The following TXNDC12 variants were observed in gnomAD, a reference collection of about 807,000 sequenced individuals.
TXNDC12 encodes thioredoxin domain containing 12.
TXNDC12 carries 22 observed loss-of-function variants against 24.2 expected under a neutral mutation model. The observed-to-expected ratio is 0.91, with a 90% CI of 0.65 to 1.30. The LOEUF (loss-of-function observed/expected upper bound fraction) is 1.30. Ranked by LOEUF, TXNDC12 falls within the 50% of genes most tolerant of loss-of-function variation. TXNDC12 has a pLI of 0.00. For synonymous variants in TXNDC12, 58 were observed against 73.4 expected (o/e 0.79, Z 1.07); for missense variants, 184 against 205.8 (o/e 0.89, Z 0.65).
At chr1:52,028,660 T>C (rs113910885) in intron 2 of TXNDC12, 30 bp from the exon 3 acceptor site, 16,592 of 1,513,850 alleles carry the variant, frequency 0.011, 122 homozygotes, top group Non-Finnish European at 0.014. Context: ...AATTATAATC[T>C]AGTAATTCTA....
chr1:52,035,739 A>G (rs1685869614), intron 2 of TXNDC12, among the ~76,000 whole-genome samples: 1 of 152,118 alleles, frequency 6.6e-6, no homozygotes, highest in Non-Finnish European at 1.5e-5. Context: ...AACACAGACC[A>G]GTGCTTAGCT....
intron 2 of TXNDC12, chr1:52,032,472 T>G (rs1685780286): frequency 7.6e-7 from 1 of 1,312,974 alleles, no homozygotes; most frequent in Admixed American, 3.7e-5. Flanking sequence ...CTCTGAGGGA[T>G]TTGCCAGGTT....
chr1:52,041,751 T>C (rs895849277), intron 1 of TXNDC12, among the ~76,000 whole-genome samples, 154 bp from the exon 2 acceptor site: 11 of 152,230 alleles, frequency 7.2e-5, no homozygotes, highest in Admixed American at 5.9e-4. Flanking sequence ...TCTAGGTGTA[T>C]GGGACCATAC....
intron 1 of TXNDC12, 105 bp downstream of exon 1, chr1:52,054,895 G>A (rs983809392): frequency 2.4e-6 from 2 of 829,890 alleles, no homozygotes; most frequent in Non-Finnish European, 2.0e-6. Context: ...ATCTGGAGTG[G>A]CCTAAGAGTT....
intron 4 of TXNDC12, among the ~76,000 whole-genome samples, chr1:52,025,282 G>A (rs986016278): frequency 9.9e-5 from 15 of 151,488 alleles, no homozygotes; most frequent in South Asian, 2.1e-4. Flanking sequence ...GCAGTTGTGC[G>A]ATCTCGGCCC....
intron 1 of TXNDC12, among the ~76,000 whole-genome samples, chr1:52,043,291 A>C (rs1305850528): frequency 6.6e-6 from 1 of 152,188 alleles, no homozygotes; most frequent in Non-Finnish European, 1.5e-5. Flanking sequence ...CCATCTCTGG[A>C]CCATATCTTT....
intron 5 of TXNDC12, 151 bp downstream of exon 5, chr1:52,024,359 T>C (rs1004888604): frequency 6.4e-6 from 4 of 624,656 alleles, no homozygotes; most frequent in Non-Finnish European, 1.1e-5. Context: ...CTTGTAGTTC[T>C]AGCATTCAGA....
intron 2 of TXNDC12, among the ~76,000 whole-genome samples, chr1:52,034,732 C>T (rs1260299653): frequency 2.6e-5 from 4 of 151,926 alleles, no homozygotes; most frequent in Non-Finnish European, 5.9e-5. Context: ...GTGTGTGAGC[C>T]AAGGTGCCTG....
chr1:52,052,121 C>G (rs1343210426), intron 1 of TXNDC12, among the ~76,000 whole-genome samples: 1 of 152,196 alleles, frequency 6.6e-6, no homozygotes. Context: ...CCTGCAGCTA[C>G]CTGGTATTTC....
At chr1:52,053,766 T>C (rs2124398756) in intron 1 of TXNDC12, among the ~76,000 whole-genome samples, 1 of 152,306 alleles carries the variant, frequency 6.6e-6, no homozygotes, top group South Asian at 2.1e-4. Context: ...TCATGCAGTT[T>C]CATCACTGAG....
intron 2 of TXNDC12, among the ~76,000 whole-genome samples, chr1:52,036,472 G>A (rs1038407789): frequency 6.6e-6 from 1 of 152,118 alleles, no homozygotes; most frequent in African/African-American, 2.4e-5. Context: ...GAAGAGGAGA[G>A]GTTGGTCTTG....
chr1:52,036,286 G>C (rs1484640028), intron 2 of TXNDC12, among the ~76,000 whole-genome samples: 1 of 152,038 alleles, frequency 6.6e-6, no homozygotes, highest in Non-Finnish European at 1.5e-5. Context: ...AAGTAAACTA[G>C]AGAAAAGAAA....
At chr1:52,033,441 G>A in intron 2 of TXNDC12, 2 of 1,612,752 alleles carry the variant, frequency 1.2e-6, no homozygotes, top group Non-Finnish European at 1.7e-6. Flanking sequence ...CGGGCCGTAC[G>A]CAGTAGACCA....
At chr1:52,051,471 G>C (rs1394567424) in intron 1 of TXNDC12, among the ~76,000 whole-genome samples, 3 of 152,158 alleles carry the variant, frequency 2.0e-5, no homozygotes, top group Non-Finnish European at 2.9e-5. Context: ...CGCCTCCCAG[G>C]TTCAAGCAAT....
chr1:52,048,420 G>A (rs1258756772), intron 1 of TXNDC12, among the ~76,000 whole-genome samples: 1 of 151,306 alleles, frequency 6.6e-6, no homozygotes, highest in Non-Finnish European at 1.5e-5. Flanking sequence ...GAGCTATGAT[G>A]GCACCACTGC....
chr1:52,033,258 G>A (rs200347259), intron 2 of TXNDC12: 2 of 1,613,986 alleles, frequency 1.2e-6, no homozygotes, highest in African/African-American at 1.3e-5. Flanking sequence ...TGGGTACGTC[G>A]GCCTGGGCAC....
In TXNDC12 at chr1:52,020,176, CTCTT is replaced by C. The variant is rs1391688434; in HGVS notation, c.*753_*756del. The C allele has an allele frequency of 1.0e-5, 2 of 192,672 alleles. No homozygotes were observed. Among genetic ancestry groups the C allele is most frequent in the East Asian group, 1.2e-4 (1 of 8,642 alleles). The allele number at this position is 192,672 out of a possible 1,614,324, so 11.9% of individuals were successfully genotyped here. A position where few individuals can be genotyped will look rare whatever the true frequency, so the allele number is the denominator to read the frequency against. The stretch of plus-strand genomic sequence containing the variant: ...AAAGTTTAATGGTACAATATTTTAT[CTCTT>C]TTTTTGTTAATGCCAGTACAAAAAT... On this transcript the variant is annotated 3_prime_UTR_variant, in exon 7 of 7. Coordinates refer to ENST00000371626, the MANE Select transcript of TXNDC12 (RefSeq NM_015913.4).
intron 2 of TXNDC12, among the ~76,000 whole-genome samples, chr1:52,034,775 A>T (rs1003746159): frequency 2.0e-5 from 3 of 151,620 alleles, no homozygotes; most frequent in South Asian, 4.2e-4. Context: ...TATTATTATT[A>T]TTTTTTGAGA....
chr1:52,033,652 T>A, intron 2 of TXNDC12: 1 of 1,611,372 alleles, frequency 6.2e-7, no homozygotes, highest in Non-Finnish European at 8.5e-7. Context: ...GACAGCTGCG[T>A]CGTCCACCAC....
Sources: gnomAD v4.1 joint callset for allele counts (sites outside exome capture counted in the v4.1 genomes callset) on GRCh38, gnomAD v4.1.1 for gene constraint, MANE v1.5 for transcripts, NCBI Gene and HGNC (gene_info 2026-07-23, HGNC 2026-07-21) for gene names.